The following GUCY2C variants were observed in gnomAD, a reference collection of about 807,000 sequenced individuals.
GUCY2C encodes guanylate cyclase 2C, also known as guanylyl cyclase C.
A neutral mutation model predicts 131.1 loss-of-function variants in GUCY2C; 118 were observed. That is an observed-to-expected ratio of 0.90 (90% CI 0.78 to 1.05). GUCY2C has a LOEUF of 1.05. GUCY2C is among the 50% of genes least tolerant of loss of function. The pLI, the probability that GUCY2C is intolerant of heterozygous loss-of-function variation, is 0.00. For synonymous variants in GUCY2C, 452 were observed against 457.8 expected, an observed-to-expected ratio of 0.99 and a Z score of 0.16; for missense variants, 1,161 against 1,304.4, an observed-to-expected ratio of 0.89 and a Z score of 1.69.
chr12:14,640,953 A>T, intron 18 of GUCY2C, 129 bp downstream of exon 18: 1 of 792,102 alleles, frequency 1.3e-6, no homozygotes, highest in South Asian at 1.8e-5. Flanking sequence ...TGCATAATGC[A>T]GATGGGAAAT....
chr12:14,683,973 A>G (rs1432566390), intron 3 of GUCY2C, among the ~76,000 whole-genome samples: 3 of 152,110 alleles, frequency 2.0e-5, no homozygotes, highest in Non-Finnish European at 4.4e-5. Context: ...CTACCTTCAA[A>G]TATCTTTGCA....
intron 18 of GUCY2C, 81 bp downstream of exon 18, chr12:14,641,001 C>A: frequency 7.9e-7 from 1 of 1,271,282 alleles, no homozygotes; most frequent in Non-Finnish European, 1.1e-6. Context: ...GATGTGGTTA[C>A]AGACAGATTA....
At chr12:14,660,373 A>T (rs982980779) in intron 11 of GUCY2C, among the ~76,000 whole-genome samples, 1 of 152,184 alleles carries the variant, frequency 6.6e-6, no homozygotes, top group African/African-American at 2.4e-5. Flanking sequence ...GGCAGACCCA[A>T]GTTGAGCAGA....
intron 21 of GUCY2C, among the ~76,000 whole-genome samples, chr12:14,624,647 T>C (rs993906808): frequency 1.3e-5 from 2 of 152,228 alleles, no homozygotes; most frequent in Admixed American, 1.3e-4. Flanking sequence ...TTTAGTTTTA[T>C]CTTGCGCATA....
rs554460597 is a variant in GUCY2C, at chr12:14,641,960, G to A, written c.1931-741C>T. ...TCAAAAAAAAAAATACAAATTTTAT[G>A]TGTACTAAATTTATTTTATTTAAAT... On this transcript the variant is annotated intron_variant, in intron 17 of 26. Transcript: ENST00000261170. 6.5e-4 allele frequency among the ~76,000 whole-genome samples: 99 copies of A among 151,776 alleles called. 1 individual carries two copies. The highest frequency in any genetic ancestry group is 6.8e-4 in the Non-Finnish European group (46 of 67,936).
At chr12:14,621,608 C>T (rs1946898254) in intron 22 of GUCY2C, among the ~76,000 whole-genome samples, 1 of 152,150 alleles carries the variant, frequency 6.6e-6, no homozygotes, top group Non-Finnish European at 1.5e-5. Context: ...GAATATTGTA[C>T]TTTGTAATAT....
At chr12:14,675,069 G>A (rs1948199393) in intron 7 of GUCY2C, among the ~76,000 whole-genome samples, 1 of 151,864 alleles carries the variant, frequency 6.6e-6, no homozygotes, top group Admixed American at 6.6e-5. Flanking sequence ...AAATTAGCCT[G>A]CTGTGGTGGC....
Position 14,681,457 on chromosome 12 carries a change from G to A in GUCY2C, c.632C>T (p.Ala211Val). The A allele has an allele frequency of 6.2e-7, 1 of 1,607,826 alleles. No individual in the cohort carries two copies. The highest frequency in any genetic ancestry group is 1.4e-5 in the African/African-American group (1 of 73,730). The change falls in exon 5 of 27, where the codon GCT becomes GTT. Residue 211 changes from alanine (A) to valine (V), a missense_variant. Transcript: ENST00000261170. ...DCFWYLNALE[A>V]SVSYFSHELG... ...TTCGTGGGAGAAATAGGAAACGCTA[G>A]CCTCCAGAGCATTAAGGTACCTGGA... is the stretch of plus-strand genomic sequence containing the variant.
rs766489751 is a variant in GUCY2C at position 14,621,235 on chromosome 12, A to G, written c.2602-19T>C. 2.5e-6 allele frequency: 4 copies of G among 1,597,342 alleles called. No homozygotes were observed. Among genetic ancestry groups the G allele is most frequent in the Non-Finnish European group, 3.4e-6 (4 of 1,166,856 alleles). Reference sequence around the variant, plus strand: ...TTTCCACCTGTGGAAACAGTTTCTCATGAGTGCCTCTGCCCCTTTGAAAAG... The same window carrying G: ...TTTCCACCTGTGGAAACAGTTTCTCGTGAGTGCCTCTGCCCCTTTGAAAAG... On this transcript the variant is annotated intron_variant, in intron 22 of 26. Coordinates refer to ENST00000261170, the MANE Select transcript of GUCY2C (RefSeq NM_004963.4).
At chr12:14,653,740 T>C (rs1386119059) in intron 12 of GUCY2C, among the ~76,000 whole-genome samples, 1 of 152,220 alleles carries the variant, frequency 6.6e-6, no homozygotes, top group African/African-American at 2.4e-5. Context: ...TGTTATTATC[T>C]TTGTTAAAAT....
intron 11 of GUCY2C, among the ~76,000 whole-genome samples, chr12:14,659,795 A>G (rs760703029): frequency 2.0e-5 from 3 of 152,198 alleles, no homozygotes; most frequent in Non-Finnish European, 4.4e-5. Context: ...GGCAAACTGC[A>G]TGTGTACCAC....
intron 15 of GUCY2C, among the ~76,000 whole-genome samples, chr12:14,650,482 A>T (rs1195725041): frequency 6.6e-6 from 1 of 152,136 alleles, no homozygotes; most frequent in Non-Finnish European, 1.5e-5. Context: ...TCCTGACCTC[A>T]TGATCCGCCT....
chr12:14,635,890 C>T (rs796101678), intron 19 of GUCY2C, among the ~76,000 whole-genome samples: 4 of 152,174 alleles, frequency 2.6e-5, no homozygotes, highest in African/African-American at 9.6e-5. Flanking sequence ...ATGCAATCTA[C>T]ATAGATTGAA....
At position 14,643,982 on chromosome 12, in the gene GUCY2C, G is replaced by T. The variant is rs188877363; in HGVS notation, c.1798-276C>A. ...AGTTGTGTATAATATGAGGCAAAGG[G>T]TTGATTTTTTTTAAGTGTTTCTGCT... On this transcript the variant is annotated intron_variant, in intron 16 of 26. Transcript: ENST00000261170. Among the ~76,000 whole-genome samples, 56 of 152,242 alleles carry T rather than the reference G, an allele frequency of 3.7e-4. No homozygotes were observed. The East Asian group carries it at 0.01, about 28-fold the overall frequency.
At chr12:14,646,882 T>C (rs1947533740) in intron 15 of GUCY2C, among the ~76,000 whole-genome samples, 1 of 152,124 alleles carries the variant, frequency 6.6e-6, no homozygotes. Context: ...CTGACACTCA[T>C]AAAATAATCA....
In GUCY2C at chr12:14,621,071, G is replaced by A; in HGVS notation, c.2747C>T (p.Pro916Leu). Residue 916 changes from proline (P) to leucine (L), a missense_variant, in exon 23 of 27, where the codon CCA becomes CTA. Physicochemically the swap from Pro to Leu is moderately conservative, Grantham distance 98. Coordinates refer to ENST00000261170, the MANE Select transcript of GUCY2C (RefSeq NM_004963.4). Reference protein sequence around the residue: ...TFELEHLPGLPIWIRIGVHSG... With the variant: ...TFELEHLPGLLIWIRIGVHSG... Reference sequence around the variant, plus strand: ...GTGAACTCCAATGCGAATCCATATTGGGAGGCCAGGAAGATGCTCCAGCTC... The same window carrying A: ...GTGAACTCCAATGCGAATCCATATTAGGAGGCCAGGAAGATGCTCCAGCTC... 1.2e-6 allele frequency: 2 copies of A among 1,613,856 alleles called. No homozygotes were observed. The highest frequency in any genetic ancestry group is 1.7e-6 in the Non-Finnish European group (2 of 1,179,892).
chr12:14,625,969 A>G, intron 20 of GUCY2C, 54 bp from the exon 21 acceptor site: 1 of 1,028,756 alleles, frequency 9.7e-7, no homozygotes, highest in Non-Finnish European at 1.5e-6. Context: ...AAACATGAAC[A>G]TCCAATAAAA....
At chr12:14,662,796 A>G (rs890613105) in intron 10 of GUCY2C, among the ~76,000 whole-genome samples, 2 of 152,302 alleles carry the variant, frequency 1.3e-5, no homozygotes, top group Middle Eastern at 3.4e-3. Context: ...TTATAGGTAA[A>G]GAACAGAGGT....
chr12:14,654,524 C>A (rs970587088), intron 12 of GUCY2C, among the ~76,000 whole-genome samples: 1 of 152,126 alleles, frequency 6.6e-6, no homozygotes, highest in Middle Eastern at 3.2e-3. Flanking sequence ...GTCCCAAAGA[C>A]CTATTTCCTT....
Sources: gnomAD v4.1 joint callset for allele counts (sites outside exome capture counted in the v4.1 genomes callset) on GRCh38, gnomAD v4.1.1 for gene constraint, MANE v1.5 for transcripts, NCBI Gene and HGNC (gene_info 2026-07-23, HGNC 2026-07-21) for gene names.